KCTD5: variants seen among roughly 807,000 people sequenced by gnomAD.
KCTD5 encodes the protein potassium channel tetramerization domain containing 5.
KCTD5 carries 12 observed loss-of-function variants against 27.9 expected under a neutral mutation model. The ratio of observed to expected loss-of-function variants is 0.43; its 90% CI spans 0.28 to 0.70. KCTD5 has a LOEUF of 0.70. Ranked by LOEUF, KCTD5 falls within the 30% of genes least tolerant of loss-of-function variation. The pLI is 0.19. For missense variants in KCTD5, 226 were observed against 274.8 expected, an observed-to-expected ratio of 0.82 and a Z score of 1.26; for synonymous variants, 147 against 121.4, an observed-to-expected ratio of 1.21 and a Z score of -1.39.
intron 5 of KCTD5, among the ~76,000 whole-genome samples, chr16:2,705,113 A>C (rs1000485787): frequency 6.6e-6 from 1 of 151,986 alleles, no homozygotes; most frequent in Non-Finnish European, 1.5e-5. Context: ...CTTCTCCCCC[A>C]CTGCGCGCTG....
chr16:2,684,414 G>C (rs2067530981), intron 1 of KCTD5: 1 of 152,160 alleles, frequency 6.6e-6, no homozygotes, highest in African/African-American at 2.4e-5. Context: ...GGGAGGCCCA[G>C]GCAGGTGGAT....
chr16:2,697,627 A>T (rs1397825690), intron 2 of KCTD5, among the ~76,000 whole-genome samples: 2 of 152,228 alleles, frequency 1.3e-5, no homozygotes, highest in Admixed American at 6.5e-5. Context: ...CTGGCGGGTC[A>T]CTGGAGGTCA....
intron 1 of KCTD5, among the ~76,000 whole-genome samples, chr16:2,691,177 TC>T (rs762742114): frequency 6.6e-6 from 1 of 152,176 alleles, no homozygotes; most frequent in African/African-American, 2.4e-5. Flanking sequence ...CCCTGGCACT[TC>T]CTATGGATGT....
intron 5 of KCTD5, among the ~76,000 whole-genome samples, chr16:2,705,125 A>G (rs553275625): frequency 2.4e-4 from 37 of 152,242 alleles, no homozygotes; most frequent in African/African-American, 8.4e-4. Context: ...TGCGCGCTGC[A>G]CGCCGCCAGA....
intron 1 of KCTD5, among the ~76,000 whole-genome samples, chr16:2,688,228 A>ATATATATATAT (rs2067549785): frequency 1.2e-5 from 1 of 84,628 alleles, no homozygotes; most frequent in African/African-American, 4.1e-5. Context: ...TAAATAAATA[A>ATATATATATAT]ATATATATAT....
At chr16:2,692,711 T>C (rs1047819100) in intron 1 of KCTD5, among the ~76,000 whole-genome samples, 7 of 152,218 alleles carry the variant, frequency 4.6e-5, no homozygotes, top group Admixed American at 1.3e-4. Context: ...AGGTGGGGCC[T>C]TACCGGGGAC....
rs1178304122 is a variant in KCTD5, at chr16:2,682,648, G to C, written c.100G>C (p.Ala34Pro). ...CCGCCGCTGCAGCGCTGGGCTCGGC[G>C]CCCTGGCCCAGCGCCCTGGCAGCGT... ...LCRRCSAGLGALAQRPGSVSK... is the reference protein window; with the variant it reads ...LCRRCSAGLGPLAQRPGSVSK... The change falls in exon 1 of 6, where the codon GCC (alanine) becomes CCC (proline). Residue 34 changes from alanine to proline, a missense_variant. Ala to Pro is a conservative substitution (Grantham distance 27). This residue lies in a region of KCTD5 where 91 missense variants were observed against 67.8 expected (regional missense o/e 1.34). Transcript: ENST00000301738. 7 of 1,591,810 alleles carry C rather than the reference G, an allele frequency of 4.4e-6. No individual in the cohort carries two copies. Among genetic ancestry groups the C allele is most frequent in the African/African-American group, 4.1e-5 (3 of 72,416 alleles).
chr16:2,706,090 G>T (rs73494263), intron 5 of KCTD5, among the ~76,000 whole-genome samples: 1 of 152,196 alleles, frequency 6.6e-6, no homozygotes, highest in Non-Finnish European at 1.5e-5. Flanking sequence ...CGCACAGGGG[G>T]ATGGGCTCCT....
At chr16:2,688,506 C>G (rs1447620105) in intron 1 of KCTD5, among the ~76,000 whole-genome samples, 1 of 152,086 alleles carries the variant, frequency 6.6e-6, no homozygotes, top group Non-Finnish European at 1.5e-5. Flanking sequence ...CCTCCTTGGC[C>G]TCCCAAAGTG....
In KCTD5 at chr16:2,682,662, C is replaced by T. The variant is rs759428146; in HGVS notation, c.114C>T (p.Arg38=). 6 of 1,602,472 alleles carry T rather than the reference C, an allele frequency of 3.7e-6. No homozygotes were observed. The South Asian group carries it at 6.7e-5, about 18-fold the overall frequency. The change falls in exon 1 of 6, where the codon CGC becomes CGT. Residue 38 remains arginine (R), a synonymous_variant. Coordinates refer to ENST00000301738, the MANE Select transcript of KCTD5 (RefSeq NM_018992.4). ...CTGGGCTCGGCGCCCTGGCCCAGCG[C>T]CCTGGCAGCGTGTCCAAGTGGGTCC... ...CSAGLGALAQ[R]PGSVSKWVRL...
At chr16:2,707,069 T>C (rs2067640140) in intron 5 of KCTD5, among the ~76,000 whole-genome samples, 1 of 151,988 alleles carries the variant, frequency 6.6e-6, no homozygotes, top group Admixed American at 6.6e-5. Context: ...TGGGAGGGGC[T>C]GCCATGCACA....
intron 5 of KCTD5, among the ~76,000 whole-genome samples, chr16:2,703,192 C>T (rs1294304445): frequency 3.3e-5 from 5 of 152,180 alleles, no homozygotes; most frequent in South Asian, 2.1e-4. Flanking sequence ...GGTGGCATTT[C>T]CTCTAAGCAC....
chr16:2,687,089 C>G (rs376997633), intron 1 of KCTD5, among the ~76,000 whole-genome samples: 1 of 152,200 alleles, frequency 6.6e-6, no homozygotes, highest in African/African-American at 2.4e-5. Context: ...GGGGGCTCCC[C>G]GCTCCTTCCC....
chr16:2,707,210 C>A, intron 5 of KCTD5, 88 bp from the exon 6 acceptor site: 1 of 1,320,978 alleles, frequency 7.6e-7, no homozygotes, highest in Non-Finnish European at 1.1e-6. Context: ...TAACCCCAGG[C>A]CTGTGGGCTC....
intron 1 of KCTD5, among the ~76,000 whole-genome samples, chr16:2,691,684 C>T (rs139140631): frequency 5.9e-5 from 9 of 152,248 alleles, no homozygotes; most frequent in Admixed American, 3.3e-4. Context: ...GGGTGTGGAG[C>T]GGCTGGCAGG....
At chr16:2,702,619 G>T (rs181320131) in intron 5 of KCTD5, 141 bp downstream of exon 5, 2 of 1,155,468 alleles carry the variant, frequency 1.7e-6, no homozygotes, top group Admixed American at 2.6e-5. Context: ...TTGGACACAC[G>T]GTCTCCCGTG....
At chr16:2,697,617 C>T (rs867264295) in intron 2 of KCTD5, among the ~76,000 whole-genome samples, 31 of 152,384 alleles carry the variant, frequency 2.0e-4, no homozygotes, top group African/African-American at 7.2e-4. Flanking sequence ...GGCTCCATAC[C>T]TGGCGGGTCA....
chr16:2,693,051 C>T (rs1380479106), intron 1 of KCTD5, among the ~76,000 whole-genome samples: 3 of 152,248 alleles, frequency 2.0e-5, no homozygotes, highest in Non-Finnish European at 2.9e-5. Flanking sequence ...ATCCTCCTCC[C>T]GAGGCCCGGG....
At chr16:2,700,172 C>T (rs1313465009) in intron 4 of KCTD5, among the ~76,000 whole-genome samples, 8 of 152,168 alleles carry the variant, frequency 5.3e-5, no homozygotes, top group Non-Finnish European at 1.2e-4. Flanking sequence ...CTTCCCAGCG[C>T]TGCGCTTTCT....
Sources: gnomAD v4.1 joint callset for allele counts (sites outside exome capture counted in the v4.1 genomes callset) on GRCh38, gnomAD v4.1.1 for gene constraint, gnomAD v4.1.1 regional missense constraint, MANE v1.5 for transcripts, NCBI Gene and HGNC (gene_info 2026-07-23, HGNC 2026-07-21) for gene names.